TMC5: variants seen among roughly 807,000 people sequenced by gnomAD.
TMC5 encodes transmembrane channel like 5.
A neutral mutation model predicts 110.5 loss-of-function variants in TMC5; 86 were observed. The observed-to-expected ratio is 0.78, with a 90% CI of 0.65 to 0.93. TMC5 has a LOEUF of 0.93. Ranked by LOEUF, TMC5 falls within the 40% of genes least tolerant of loss-of-function variation. TMC5 has a pLI of 0.00. For missense variants in TMC5, 1,144 were observed against 1,222.8 expected, an observed-to-expected ratio of 0.94 and a Z score of 0.96; for synonymous variants, 455 against 439.5, an observed-to-expected ratio of 1.04 and a Z score of -0.44.
At position 19,474,251 on chromosome 16, in the gene TMC5, C is replaced by T. The variant is rs887564506; in HGVS notation, c.2065C>T (p.His689Tyr). The T allele has an allele frequency of 1.9e-6, 3 of 1,613,954 alleles. No homozygotes were observed. Among genetic ancestry groups the T allele is most frequent in the Non-Finnish European group, 2.5e-6 (3 of 1,179,986 alleles). The change falls in exon 12 of 22, where the codon CAC becomes TAC. Residue 689 changes from histidine to tyrosine, a missense_variant. By Grantham distance (83) the His-to-Tyr change is moderately conservative. Transcript: ENST00000542583. ...RLVERYEMPR[H>Y]EVYVLLIRNI... ...TGTGGAGAGGTACGAGATGCCACGG[C>T]ACGAAGTCTACGTTCTCCTGATCCG...
chr16:19,487,452 G>A lies in TMC5; in HGVS notation c.2573+126G>A, dbSNP rs376855759. 32 of 1,284,400 alleles carry A rather than the reference G, an allele frequency of 2.5e-5. No homozygotes were observed. The East Asian group carries it at 2.6e-4, about 10-fold the overall frequency. 79.6% of individuals were successfully genotyped at this position (1,284,400 alleles called of 1,614,324 possible). A position where few individuals can be genotyped will look rare whatever the true frequency, so the allele number is the denominator to read the frequency against. On this transcript the variant is annotated intron_variant, in intron 17 of 21. Coordinates refer to ENST00000542583, the MANE Select transcript of TMC5 (RefSeq NM_001261841.2). The stretch of plus-strand genomic sequence containing the variant: ...TGCAGTGGCTCACGCCTGTGATCCC[G>A]GCACTATGGGAGGCCAAGGCGGGTG...
intron 20 of TMC5, 27 bp from the exon 21 acceptor site, chr16:19,497,094 G>A (rs1357453151): frequency 3.1e-6 from 5 of 1,613,526 alleles, no homozygotes; most frequent in African/African-American, 2.7e-5. Context: ...CCTCCGTGAC[G>A]TGGCTGCTTG....
chr16:19,452,748 C>T (rs1316728213), intron 5 of TMC5, among the ~76,000 whole-genome samples: 3 of 152,098 alleles, frequency 2.0e-5, no homozygotes, highest in Non-Finnish European at 4.4e-5. Context: ...CCTTCTTGGG[C>T]TTTCTGTGCA....
intron 8 of TMC5, among the ~76,000 whole-genome samples, chr16:19,465,279 A>G (rs987510825): frequency 1.3e-5 from 2 of 152,030 alleles, no homozygotes; most frequent in African/African-American, 4.8e-5. Context: ...CACTCCTGTA[A>G]TCCCAGCACT....
At chr16:19,419,116 G>T (rs1314249526) in intron 1 of TMC5, among the ~76,000 whole-genome samples, 1 of 152,162 alleles carries the variant, frequency 6.6e-6, no homozygotes. Flanking sequence ...CCTCTGTTTA[G>T]CTGTGTGACC....
At chr16:19,494,573 C>G (rs1969001686) in intron 20 of TMC5, among the ~76,000 whole-genome samples, 1 of 152,120 alleles carries the variant, frequency 6.6e-6, no homozygotes, top group Non-Finnish European at 1.5e-5. Context: ...CTTTGGGAGG[C>G]CTACGCGGGT....
chr16:19,421,960 G>T (rs1422137937), intron 1 of TMC5, among the ~76,000 whole-genome samples: 1 of 151,980 alleles, frequency 6.6e-6, no homozygotes, highest in Non-Finnish European at 1.5e-5. Context: ...GCCGGGCGCG[G>T]TGGCTCACGC....
At chr16:19,419,702 G>A (rs899066383) in intron 1 of TMC5, among the ~76,000 whole-genome samples, 1 of 151,860 alleles carries the variant, frequency 6.6e-6, no homozygotes. Flanking sequence ...GTGAGCCACC[G>A]CGCCGGGCCA....
chr16:19,411,510 G>A (rs1413326380), intron 1 of TMC5: 5 of 152,154 alleles, frequency 3.3e-5, no homozygotes, highest in African/African-American at 1.2e-4. Flanking sequence ...GAAACTGTGG[G>A]ATTTGAACTC....
chr16:19,485,906 T>C (rs2143724052), intron 15 of TMC5, among the ~76,000 whole-genome samples: 1 of 152,262 alleles, frequency 6.6e-6, no homozygotes, highest in Middle Eastern at 3.4e-3. Context: ...CAGTGCCTTG[T>C]CCCTACAGGA....
intron 15 of TMC5, 136 bp from the exon 16 acceptor site, chr16:19,486,809 G>T: frequency 1.4e-6 from 1 of 699,982 alleles, no homozygotes; most frequent in South Asian, 1.8e-5. Context: ...TCGGGGTTAA[G>T]GCCTCAATAT....
chr16:19,467,644 A>C (rs569641003), intron 9 of TMC5, among the ~76,000 whole-genome samples: 1 of 151,930 alleles, frequency 6.6e-6, no homozygotes, highest in Admixed American at 6.6e-5. Context: ...ACCACGTCCG[A>C]CTAATTTTTG....
At chr16:19,490,615 C>G in intron 18 of TMC5, 47 bp downstream of exon 18, 2 of 1,598,004 alleles carry the variant, frequency 1.3e-6, no homozygotes, top group Non-Finnish European at 1.7e-6. Flanking sequence ...CAGGAGCTCT[C>G]GAGGGAAACA....
intron 17 of TMC5, among the ~76,000 whole-genome samples, chr16:19,490,089 T>C (rs1968848802): frequency 6.6e-6 from 1 of 152,184 alleles, no homozygotes; most frequent in South Asian, 2.1e-4. Context: ...CTGGCCTTAA[T>C]TCAACTTCTT....
At chr16:19,464,134 A>T in intron 8 of TMC5, 110 bp downstream of exon 8, 1 of 1,261,518 alleles carries the variant, frequency 7.9e-7, no homozygotes, top group Non-Finnish European at 1.1e-6. Flanking sequence ...GGGTCAACTG[A>T]TGGGGAAAGT....
intron 5 of TMC5, chr16:19,456,885 A>G: frequency 6.2e-7 from 1 of 1,614,236 alleles, no homozygotes. Context: ...ACAGTCAGCA[A>G]AAGGAATGAC....
At chr16:19,425,262 A>C (rs930477808) in intron 1 of TMC5, among the ~76,000 whole-genome samples, 1 of 151,864 alleles carries the variant, frequency 6.6e-6, no homozygotes, top group Non-Finnish European at 1.5e-5. Flanking sequence ...CTAGAAAGGG[A>C]CATCTAATTC....
At position 19,435,946 on chromosome 16, in the gene TMC5, T is replaced by G. The variant is rs74246695; in HGVS notation, c.-79-4014T>G. 5.5e-4 allele frequency among the ~76,000 whole-genome samples: 83 copies of G among 152,268 alleles called. 1 individual carries two copies. In the East Asian group the frequency reaches 0.013, roughly 24 times the overall value. On this transcript the variant is annotated intron_variant, in intron 2 of 21. Coordinates refer to ENST00000542583, the MANE Select transcript of TMC5 (RefSeq NM_001261841.2). ...CACCGTTGAATGACATTCAAGTTGT[T>G]TTCAACTTTTGACTCTTATGAAAAA...
At chr16:19,414,750 A>G (rs1325212365), upstream of TMC5, among the ~76,000 whole-genome samples, 2 of 151,626 alleles carry the variant, frequency 1.3e-5, no homozygotes, top group Non-Finnish European at 2.9e-5. Flanking sequence ...CGATCTCGAC[A>G]AAAAAGAGAA....
Sources: allele counts gnomAD v4.1 joint callset (sites outside exome capture counted in the v4.1 genomes callset), GRCh38; gene constraint gnomAD v4.1.1; transcripts MANE v1.5; gene names NCBI Gene and HGNC (gene_info 2026-07-23, HGNC 2026-07-21).